SYNE2: variants seen among roughly 807,000 people sequenced by gnomAD.
SYNE2 encodes nesprin-2.
In SYNE2, 431 loss-of-function variants were observed where a neutral mutation model predicts 856.3. The ratio of observed to expected loss-of-function variants is 0.50; its 90% CI spans 0.47 to 0.55. The LOEUF (loss-of-function observed/expected upper bound fraction) is 0.55. SYNE2 is among the 20% of genes least tolerant of loss of function. SYNE2 has a pLI of 0.00. For synonymous variants in SYNE2, 2,923 were observed against 2,872.3 expected (o/e 1.02, Z -0.56); for missense variants, 8,129 against 8,023.2 (o/e 1.01, Z -0.50).
At chr14:63,955,009 C>T (rs2153436889) in intron 8 of SYNE2, 94 bp downstream of exon 8, 2 of 1,054,334 alleles carry the variant, frequency 1.9e-6, no homozygotes, top group Non-Finnish European at 2.9e-6. Context: ...CATAGTGGCA[C>T]TCTATTTTAG....
chr14:64,193,745 A>T (rs1412159451), intron 99 of SYNE2, among the ~76,000 whole-genome samples: 1 of 152,032 alleles, frequency 6.6e-6, no homozygotes, highest in Non-Finnish European at 1.5e-5. Flanking sequence ...ATTTCTGATC[A>T]TTTCAGGTGG....
chr14:64,045,624 G>C (rs963882288), intron 45 of SYNE2, among the ~76,000 whole-genome samples: 4 of 152,246 alleles, frequency 2.6e-5, no homozygotes, highest in Middle Eastern at 3.4e-3. Flanking sequence ...TGCTGCCCTA[G>C]GTGTAGATTT....
chr14:63,979,172 C>T (rs2153471302), intron 14 of SYNE2, among the ~76,000 whole-genome samples, 158 bp downstream of exon 14: 1 of 152,234 alleles, frequency 6.6e-6, no homozygotes, highest in African/African-American at 2.4e-5. Context: ...AAAAGAATTA[C>T]AGGGAGTCAA....
chr14:63,825,803 G>A (rs1367341807), intron 1 of SYNE2, among the ~76,000 whole-genome samples: 1 of 152,088 alleles, frequency 6.6e-6, no homozygotes, highest in East Asian at 1.9e-4. Flanking sequence ...TTGAACCCAG[G>A]AGGCAAAGGC....
intron 71 of SYNE2, 30 bp from the exon 72 acceptor site, chr14:64,126,297 T>C: frequency 6.2e-7 from 1 of 1,601,330 alleles, no homozygotes; most frequent in African/African-American, 1.3e-5. Context: ...GGTATCTTAA[T>C]TTTCTTTTTC....
chr14:63,886,713 G>A (rs1271749558), intron 1 of SYNE2, among the ~76,000 whole-genome samples: 1 of 152,148 alleles, frequency 6.6e-6, no homozygotes, highest in Non-Finnish European at 1.5e-5. Context: ...AGGCTGGAGT[G>A]TGGTGGTCAA....
At chr14:64,059,229 T>C (rs187094065) in intron 49 of SYNE2, among the ~76,000 whole-genome samples, 1 of 152,298 alleles carries the variant, frequency 6.6e-6, no homozygotes, top group East Asian at 1.9e-4. Flanking sequence ...TGTGGATGTT[T>C]GTCAGTGTCT....
Position 64,173,021 on chromosome 14 carries a change from G to T in SYNE2, c.17236-1923G>T, listed in dbSNP as rs2098418236. On this transcript the variant is annotated intron_variant, in intron 94 of 115. Transcript: ENST00000555002. ...AGCCTATTTGGGTGTGGTTACATCT[G>T]GGTCTTCTTTTCTGCAATAAGATAA... Among the ~76,000 whole-genome samples, 3 of 152,210 alleles carry T rather than the reference G, an allele frequency of 2.0e-5. No homozygotes were observed. The South Asian group carries it at 6.2e-4, about 32-fold the overall frequency.
At chr14:63,767,019 TAAAATAA>T (rs1174151160) in intron 1 of SYNE2, among the ~76,000 whole-genome samples, 2 of 151,520 alleles carry the variant, frequency 1.3e-5, no homozygotes, top group Admixed American at 6.6e-5. Context: ...GCAGAGTCAA[TAAAATAA>T]AAAATAAAAA....
intron 1 of SYNE2, among the ~76,000 whole-genome samples, chr14:63,827,885 A>G (rs976677273): frequency 1.1e-4 from 16 of 151,890 alleles, no homozygotes; most frequent in African/African-American, 3.9e-4. Context: ...TGCAGTTTCA[A>G]TTAACAGCAG....
chr14:63,853,122 T>C lies in SYNE2; in HGVS notation c.-73T>C, dbSNP rs1350572215. The C allele has an allele frequency of 6.6e-6, 1 of 151,204 alleles. No homozygotes were observed. The highest frequency in any genetic ancestry group is 1.5e-5 in the Non-Finnish European group (1 of 67,776). 9.4% of individuals were successfully genotyped at this position (151,204 alleles called of 1,614,324 possible). A position where few individuals can be genotyped will look rare whatever the true frequency, so the allele number is the denominator to read the frequency against. On this transcript the variant is annotated 5_prime_UTR_variant, in exon 1 of 116. Transcript: ENST00000555002. ...CCTCGGGCGGCCCCGGCCCGCGCCC[T>C]TGCCCCTCGGCCGGGCGGACGGTGG...
rs775069817 is a variant in SYNE2 at position 64,113,350 on chromosome 14, C to T, written c.12619C>T (p.Pro4207Ser). The change falls in exon 66 of 116, where the codon CCT becomes TCT. Residue 4207 changes from proline to serine, a missense_variant. By Grantham distance (74) the Pro-to-Ser change is moderately conservative. Coordinates refer to ENST00000555002, the MANE Select transcript of SYNE2 (RefSeq NM_182914.3). The part of the protein sequence containing the change: ...RPNQTEEGTT[P>S]PIEADTLDSS... The stretch of plus-strand genomic sequence containing the variant: ...TTTGGATTTCTCTTAGGGCACCACA[C>T]CTCCTATTGAGGCTGACACTCTGGA... 2.2e-5 allele frequency: 35 copies of T among 1,613,738 alleles called. No individual in the cohort carries two copies. The highest frequency in any genetic ancestry group is 2.8e-5 in the Non-Finnish European group (33 of 1,180,040).
chr14:64,214,073 G>A (rs1416644184), intron 105 of SYNE2, 121 bp from the exon 106 acceptor site: 7 of 1,476,028 alleles, frequency 4.7e-6, no homozygotes, highest in Non-Finnish European at 6.5e-6. Context: ...TTTTAAAGCT[G>A]CCTTAGAAAT....
rs190680721 is a variant in SYNE2 at position 63,871,367 on chromosome 14, G to T, written c.-52+18224G>T. The stretch of plus-strand genomic sequence containing the variant: ...ATTACAAGCATGGGCTGCCATGCCC[G>T]GCTAATTTTTTTGTATTTTTAGTAG... On this transcript the variant is annotated intron_variant, in intron 1 of 115. Transcript: ENST00000555002. 2.0e-5 allele frequency among the ~76,000 whole-genome samples: 3 copies of T among 151,992 alleles called. No homozygotes were observed. In the South Asian group the frequency reaches 6.3e-4, roughly 32 times the overall value.
At chr14:64,224,951 G>GA (rs767472284) in intron 114 of SYNE2, 48 bp from the exon 115 acceptor site, 1 of 1,572,774 alleles carries the variant, frequency 6.4e-7, no homozygotes, top group Non-Finnish European at 8.7e-7. Flanking sequence ...ATCATTGATA[G>GA]GACTAAACTG....
intron 1 of SYNE2, among the ~76,000 whole-genome samples, chr14:63,836,076 C>T (rs1310742868): frequency 2.0e-5 from 3 of 152,040 alleles, no homozygotes; most frequent in Non-Finnish European, 2.9e-5. Flanking sequence ...CACTGTGTCA[C>T]TCAGGCTGGA....
At chr14:63,861,047 T>A (rs34486661) in intron 1 of SYNE2, among the ~76,000 whole-genome samples, 1 of 151,920 alleles carries the variant, frequency 6.6e-6, no homozygotes, top group Non-Finnish European at 1.5e-5. Context: ...TGCTCCAGAC[T>A]GTGAACCATG....
intron 84 of SYNE2, among the ~76,000 whole-genome samples, chr14:64,146,435 C>A (rs553543930): frequency 1.3e-5 from 2 of 152,260 alleles, no homozygotes; most frequent in East Asian, 1.9e-4. Context: ...TGTACTTTCA[C>A]CGTTACAGTA....
At chr14:64,220,105 G>A (rs1370922574) in intron 110 of SYNE2, among the ~76,000 whole-genome samples, 1 of 152,162 alleles carries the variant, frequency 6.6e-6, no homozygotes, top group Non-Finnish European at 1.5e-5. Flanking sequence ...GCATTTCTAG[G>A]AGCAAATGCA....
Sources: allele counts gnomAD v4.1 joint callset (sites outside exome capture counted in the v4.1 genomes callset), GRCh38; gene constraint gnomAD v4.1.1; transcripts MANE v1.5; gene names NCBI Gene and HGNC (gene_info 2026-07-23, HGNC 2026-07-21).